The following MACROD2 variants were observed in gnomAD, a reference collection of about 807,000 sequenced individuals.
The protein encoded by MACROD2 is ADP-ribose glycohydrolase MACROD2.
A neutral mutation model predicts 70.4 loss-of-function variants in MACROD2; 36 were observed. The observed-to-expected ratio is 0.51, with a 90% CI of 0.39 to 0.68. The LOEUF (loss-of-function observed/expected upper bound fraction) is 0.68, where lower values mean the gene tolerates loss of function less well. Among genes scored for constraint, MACROD2 ranks in the 30% least tolerant of loss-of-function variants. The probability of loss-of-function intolerance (pLI) is 0.00; values close to 1 mark genes in which losing one functional copy is unlikely to be tolerated. For synonymous variants in MACROD2, 172 were observed against 178.8 expected (o/e 0.96, Z 0.30); for missense variants, 496 against 538.4 (o/e 0.92, Z 0.78).
chr20:14,290,494 C>T (rs1003065592), intron 3 of MACROD2, among the ~76,000 whole-genome samples: 1 of 148,406 alleles, frequency 6.7e-6, no homozygotes, highest in Non-Finnish European at 1.5e-5. Context: ...AGGAGACTGA[C>T]CAAGGTAGCT....
intron 8 of MACROD2, among the ~76,000 whole-genome samples, chr20:15,787,503 T>C (rs553115281): frequency 1.2e-4 from 19 of 152,256 alleles, no homozygotes; most frequent in South Asian, 8.3e-4. Flanking sequence ...CTGTTGTTCC[T>C]ATCTTTATGT....
chr20:14,614,644 A>G (rs1983371417), intron 4 of MACROD2, among the ~76,000 whole-genome samples: 1 of 152,136 alleles, frequency 6.6e-6, no homozygotes, highest in South Asian at 2.1e-4. Flanking sequence ...ATTAAATACT[A>G]TCAATGAAAG....
At chr20:14,828,065 G>T (rs368960703) in intron 5 of MACROD2, among the ~76,000 whole-genome samples, 1 of 151,974 alleles carries the variant, frequency 6.6e-6, no homozygotes, top group African/African-American at 2.4e-5. Context: ...AGAAAATAAA[G>T]ATGATATATA....
intron 9 of MACROD2, among the ~76,000 whole-genome samples, chr20:15,863,579 C>T (rs1326479110): frequency 2.6e-5 from 4 of 152,294 alleles, no homozygotes; most frequent in African/African-American, 7.2e-5. Context: ...TGGCAAGAAT[C>T]GCTTCCAGGA....
chr20:15,092,210 T>C (rs1207738275), intron 5 of MACROD2, among the ~76,000 whole-genome samples: 1 of 152,060 alleles, frequency 6.6e-6, no homozygotes, highest in East Asian at 1.9e-4. Flanking sequence ...AGATATAAAT[T>C]AAAACTTTTG....
chr20:16,018,368 G>A (rs1432666900), intron 15 of MACROD2, among the ~76,000 whole-genome samples: 1 of 152,014 alleles, frequency 6.6e-6, no homozygotes, highest in African/African-American at 2.4e-5. Context: ...ATATGTAATG[G>A]TTCCTGTGAG....
chr20:15,989,908 A>G (rs988401877), intron 15 of MACROD2, among the ~76,000 whole-genome samples: 2 of 151,932 alleles, frequency 1.3e-5, no homozygotes, highest in Non-Finnish European at 2.9e-5. Flanking sequence ...AGATTAGAAA[A>G]TGTAGATAAT....
intron 6 of MACROD2, among the ~76,000 whole-genome samples, chr20:15,368,566 A>T (rs1372534511): frequency 6.6e-6 from 1 of 150,970 alleles, no homozygotes; most frequent in Non-Finnish European, 1.5e-5. Flanking sequence ...GGTTCACAAG[A>T]TTATCCTGCC....
At chr20:14,822,348 C>G (rs1021958536) in intron 5 of MACROD2, among the ~76,000 whole-genome samples, 1 of 151,910 alleles carries the variant, frequency 6.6e-6, no homozygotes, top group African/African-American at 2.4e-5. Context: ...TTTAGGGTAT[C>G]TGAACCTTTT....
chr20:14,665,827 A>T (rs780426912), intron 4 of MACROD2, among the ~76,000 whole-genome samples: 2 of 152,094 alleles, frequency 1.3e-5, no homozygotes. Flanking sequence ...CATTCAAAAC[A>T]TGTCCATTTA....
chr20:15,646,261 G>C (rs2049539348), intron 8 of MACROD2, among the ~76,000 whole-genome samples: 1 of 152,022 alleles, frequency 6.6e-6, no homozygotes, highest in Non-Finnish European at 1.5e-5. Flanking sequence ...GACTCACACT[G>C]GTTTTACAAT....
chr20:14,677,430 C>G (rs1170140013), intron 4 of MACROD2, among the ~76,000 whole-genome samples: 1 of 152,144 alleles, frequency 6.6e-6, no homozygotes, highest in Non-Finnish European at 1.5e-5. Flanking sequence ...CCAAGATAGC[C>G]TAATTAATAG....
At chr20:14,485,003 G>A (rs572010011) in intron 3 of MACROD2, among the ~76,000 whole-genome samples, 33 of 151,860 alleles carry the variant, frequency 2.2e-4, no homozygotes, top group Admixed American at 1.5e-3. Flanking sequence ...TGGGGTTGCT[G>A]GATCATATGG....
intron 5 of MACROD2, among the ~76,000 whole-genome samples, chr20:15,189,102 G>A (rs2076552729): frequency 6.6e-6 from 1 of 152,108 alleles, no homozygotes; most frequent in African/African-American, 2.4e-5. Context: ...TTTCACTTCT[G>A]AGTGAAGGGA....
chr20:15,078,958 T>C (rs1373160714), intron 5 of MACROD2, among the ~76,000 whole-genome samples: 1 of 152,086 alleles, frequency 6.6e-6, no homozygotes, highest in Non-Finnish European at 1.5e-5. Context: ...TTCCTTCACT[T>C]TCTTACAGTG....
intron 13 of MACROD2, among the ~76,000 whole-genome samples, chr20:15,975,646 G>C (rs1156425732): frequency 6.6e-6 from 1 of 152,060 alleles, no homozygotes; most frequent in Non-Finnish European, 1.5e-5. Flanking sequence ...ACATATTTTT[G>C]CATATGTCTG....
chr20:15,785,777 C>T (rs992048115), intron 8 of MACROD2, among the ~76,000 whole-genome samples: 1 of 151,924 alleles, frequency 6.6e-6, no homozygotes, highest in Admixed American at 6.6e-5. Flanking sequence ...CTCTTCATCC[C>T]GATACTCTTC....
At chr20:15,815,481 A>G (rs1051132285) in intron 8 of MACROD2, among the ~76,000 whole-genome samples, 5 of 152,032 alleles carry the variant, frequency 3.3e-5, no homozygotes, top group African/African-American at 1.2e-4. Flanking sequence ...TGGTGTTCAT[A>G]TGACACTGTT....
intron 5 of MACROD2, chr20:14,884,630 A>T (rs948059065): frequency 6.6e-6 from 1 of 152,248 alleles, no homozygotes; most frequent in Admixed American, 6.5e-5. Context: ...CCCCCAACCA[A>T]CTAAATGGAT....
Sources: gnomAD v4.1 joint callset for allele counts (sites outside exome capture counted in the v4.1 genomes callset) on GRCh38, gnomAD v4.1.1 for gene constraint, MANE v1.5 for transcripts, NCBI Gene and HGNC (gene_info 2026-07-23, HGNC 2026-07-21) for gene names.